PRKN: variants seen among roughly 807,000 people sequenced by gnomAD.
PRKN encodes E3 ubiquitin-protein ligase parkin.
PRKN carries 56 observed loss-of-function variants against 59.5 expected under a neutral mutation model. The ratio of observed to expected loss-of-function variants is 0.94; its 90% CI spans 0.76 to 1.18. PRKN has a LOEUF of 1.18. PRKN is among the 50% of genes most tolerant of loss of function. PRKN has a pLI of 0.00. For missense variants in PRKN, 657 were observed against 596.4 expected, an observed-to-expected ratio of 1.10 and a Z score of -1.06; for synonymous variants, 250 against 222.1, an observed-to-expected ratio of 1.13 and a Z score of -1.12.
chr6:162,689,823 G>A (rs115902159), intron 1 of PRKN, among the ~76,000 whole-genome samples: 94 of 152,294 alleles, frequency 6.2e-4, no homozygotes, highest in African/African-American at 2.1e-3. Context: ...ACAGTAGAGC[G>A]AGGCAGAGTC....
intron 7 of PRKN, among the ~76,000 whole-genome samples, chr6:161,728,864 A>C (rs966658607): frequency 6.6e-6 from 1 of 152,208 alleles, no homozygotes; most frequent in African/African-American, 2.4e-5. Flanking sequence ...TTTGTATTAT[A>C]AAAATACACA....
chr6:162,272,999 GAAA>G (rs548215878), intron 2 of PRKN, among the ~76,000 whole-genome samples: 1 of 55,018 alleles, frequency 1.8e-5, no homozygotes, highest in Non-Finnish European at 3.6e-5. Flanking sequence ...GCCTGTGTCT[GAAA>G]AAAAAAAAAA....
At chr6:162,020,828 G>A (rs1349534541) in intron 5 of PRKN, among the ~76,000 whole-genome samples, 3 of 151,874 alleles carry the variant, frequency 2.0e-5, no homozygotes, top group Non-Finnish European at 2.9e-5. Context: ...TAATGGGCCC[G>A]GCGCGGTGGC....
chr6:162,187,475 G>A (rs1452740509), intron 4 of PRKN, among the ~76,000 whole-genome samples: 1 of 152,146 alleles, frequency 6.6e-6, no homozygotes, highest in Non-Finnish European at 1.5e-5. Context: ...CAAAATGGCA[G>A]TGCAGGGGAG....
chr6:162,351,218 C>T (rs1784611307), intron 2 of PRKN, among the ~76,000 whole-genome samples: 1 of 151,756 alleles, frequency 6.6e-6, no homozygotes, highest in Non-Finnish European at 1.5e-5. Context: ...AATAAAACAA[C>T]CCAATAAAAA....
intron 4 of PRKN, among the ~76,000 whole-genome samples, chr6:162,163,950 A>G (rs540950645): frequency 6.7e-6 from 1 of 149,122 alleles, no homozygotes; most frequent in East Asian, 1.9e-4. Context: ...TCGGTGACTC[A>G]CTAACATTTA....
At chr6:161,969,758 A>G (rs1329824885) in intron 6 of PRKN, among the ~76,000 whole-genome samples, 12 of 152,316 alleles carry the variant, frequency 7.9e-5, no homozygotes, top group African/African-American at 2.9e-4. Flanking sequence ...ATTTTCATCT[A>G]TTATTTTAAT....
At chr6:161,872,550 T>C (rs934111268) in intron 6 of PRKN, among the ~76,000 whole-genome samples, 1 of 152,144 alleles carries the variant, frequency 6.6e-6, no homozygotes, top group Non-Finnish European at 1.5e-5. Context: ...TGATCAACCC[T>C]GGCGCTTTGC....
chr6:162,336,891 G>A (rs1231268628), intron 2 of PRKN, among the ~76,000 whole-genome samples: 1 of 152,144 alleles, frequency 6.6e-6, no homozygotes, highest in South Asian at 2.1e-4. Flanking sequence ...CATTGTGAAG[G>A]CACTGAATTG....
intron 7 of PRKN, among the ~76,000 whole-genome samples, chr6:161,660,637 T>C (rs1381459378): frequency 2.0e-5 from 3 of 152,176 alleles, no homozygotes; most frequent in African/African-American, 7.2e-5. Context: ...CTCTCTGAGC[T>C]GCCTTCCCAT....
In PRKN at chr6:161,378,084, C is replaced by T. The variant is rs1309877225; in HGVS notation, c.1167+8710G>A. Among the ~76,000 whole-genome samples the T allele has an allele frequency of 6.6e-6, 1 of 152,162 alleles. No homozygotes were observed. The highest frequency in any genetic ancestry group is 6.5e-5 in the Admixed American group (1 of 15,278). ...AACGTCTTGGCAGCCTCTTTAAGGG[C>T]AGGGACAGAGAAAATCTGGAAGACT... On this transcript the variant is annotated intron_variant, in intron 10 of 11. Coordinates refer to ENST00000366898, the MANE Select transcript of PRKN (RefSeq NM_004562.3). The surrounding 1 kb of genome is among the most constrained non-coding windows in gnomAD (Gnocchi z 7.3).
At chr6:162,208,884 T>C (rs1785071929) in intron 3 of PRKN, among the ~76,000 whole-genome samples, 1 of 152,210 alleles carries the variant, frequency 6.6e-6, no homozygotes, top group Non-Finnish European at 1.5e-5. Flanking sequence ...ATGGGAAAAC[T>C]GGCTAGCCAT....
chr6:162,171,855 G>T (rs1783295127), intron 4 of PRKN, among the ~76,000 whole-genome samples: 1 of 152,150 alleles, frequency 6.6e-6, no homozygotes, highest in Admixed American at 6.5e-5. Context: ...GGAGGATACG[G>T]ACTTGCCTGT....
intron 1 of PRKN, among the ~76,000 whole-genome samples, chr6:162,450,481 T>C (rs1315285416): frequency 6.7e-6 from 1 of 149,618 alleles, no homozygotes; most frequent in Non-Finnish European, 1.5e-5. Flanking sequence ...AACCTCACAG[T>C]GGAGAAACCT....
intron 7 of PRKN, among the ~76,000 whole-genome samples, chr6:161,715,052 G>A (rs538167654): frequency 4.6e-5 from 7 of 152,210 alleles, no homozygotes; most frequent in South Asian, 4.2e-4. Flanking sequence ...AACATTCCTC[G>A]TCTACAAGGC....
intron 7 of PRKN, among the ~76,000 whole-genome samples, chr6:161,713,105 G>C (rs1379388409): frequency 6.6e-6 from 1 of 152,114 alleles, no homozygotes; most frequent in East Asian, 1.9e-4. Context: ...AGATTAATTT[G>C]CTGGAACAGT....
At chr6:161,836,735 C>T (rs1792772366) in intron 6 of PRKN, among the ~76,000 whole-genome samples, 2 of 152,112 alleles carry the variant, frequency 1.3e-5, no homozygotes, top group Admixed American at 1.3e-4. Flanking sequence ...ACTAGAAGCC[C>T]CTCGTCCACC....
At chr6:161,496,966 C>T (rs368568473) in intron 9 of PRKN, among the ~76,000 whole-genome samples, 41 of 152,308 alleles carry the variant, frequency 2.7e-4, no homozygotes, top group African/African-American at 6.7e-4. Context: ...CCTCCAGAAC[C>T]GTGAGACAAC....
chr6:161,521,775 C>A (rs1033850358), intron 9 of PRKN, among the ~76,000 whole-genome samples: 1 of 152,050 alleles, frequency 6.6e-6, no homozygotes, highest in Non-Finnish European at 1.5e-5. Context: ...ATTACTGGGG[C>A]CATAAACAGC....
Sources: gnomAD v4.1 joint callset for allele counts (sites outside exome capture counted in the v4.1 genomes callset) on GRCh38, gnomAD v4.1.1 for gene constraint, Gnocchi (gnomAD v3.1) non-coding constraint, MANE v1.5 for transcripts, NCBI Gene and HGNC (gene_info 2026-07-23, HGNC 2026-07-21) for gene names.